LARGE1: variants seen among roughly 807,000 people sequenced by gnomAD.
LARGE1 encodes LARGE xylosyl- and glucuronyltransferase 1.
LARGE1 carries 43 observed loss-of-function variants against 87.6 expected under a neutral mutation model. That is an observed-to-expected ratio of 0.49 (90% confidence interval 0.38 to 0.63). The LOEUF (loss-of-function observed/expected upper bound fraction) is 0.63. Ranked by LOEUF, LARGE1 falls within the 30% of genes least tolerant of loss-of-function variation. The pLI, the probability that LARGE1 is intolerant of heterozygous loss-of-function variation, is 0.00. For missense variants in LARGE1, 802 were observed against 1,000.2 expected (o/e 0.80, Z 2.67); for synonymous variants, 434 against 394.6 (o/e 1.10, Z -1.18).
intron 2 of LARGE1, among the ~76,000 whole-genome samples, chr22:33,671,613 A>G (rs547530333): frequency 1.3e-5 from 2 of 152,328 alleles, no homozygotes; most frequent in East Asian, 3.9e-4. Flanking sequence ...ACATTTGGCT[A>G]TGAAGAGAAA....
intron 11 of LARGE1, among the ~76,000 whole-genome samples, chr22:33,259,270 G>A (rs1054900472): frequency 6.6e-6 from 1 of 151,982 alleles, no homozygotes; most frequent in Admixed American, 6.6e-5. Flanking sequence ...TTAAGGACAA[G>A]TGAGAGAGAA....
chr22:33,418,061 C>T (rs762004376), intron 7 of LARGE1, among the ~76,000 whole-genome samples: 4 of 152,176 alleles, frequency 2.6e-5, no homozygotes, highest in Non-Finnish European at 5.9e-5. Flanking sequence ...AATTCTCCTG[C>T]CTCAGCCTCT....
chr22:33,197,386 T>C (rs746465028), intron 11 of LARGE1, among the ~76,000 whole-genome samples: 37 of 151,962 alleles, frequency 2.4e-4, no homozygotes, highest in Non-Finnish European at 4.9e-4. Flanking sequence ...TGTTTATATA[T>C]AAAATTCAAA....
intron 4 of LARGE1, among the ~76,000 whole-genome samples, chr22:33,611,856 G>A (rs1273099207): frequency 6.6e-6 from 1 of 152,160 alleles, no homozygotes; most frequent in Non-Finnish European, 1.5e-5. Context: ...GCTTGGTGCT[G>A]TCCTCACAAT....
chr22:33,890,558 G>T lies in LARGE1; in HGVS notation c.-83+29437C>A, dbSNP rs193121020. On this transcript the variant is annotated intron_variant, in intron 1 of 14. Coordinates refer to ENST00000397394, the MANE Select transcript of LARGE1 (RefSeq NM_133642.5). The stretch of plus-strand genomic sequence containing the variant: ...AACAGAACTTCACCAAAATCTCACA[G>T]GTACATGCTGGAGTCTGAGTCAAGT... Among the ~76,000 whole-genome samples the T allele has an allele frequency of 5.3e-5, 8 of 152,196 alleles. No individual in the cohort carries two copies. In the East Asian group the frequency reaches 1.4e-3, roughly 26 times the overall value.
At chr22:33,077,645 G>A in the LARGE1 span, among the ~76,000 whole-genome samples, 1 of 152,238 alleles carries the variant, frequency 6.6e-6, no homozygotes, top group Non-Finnish European at 1.5e-5. Context: ...GGGTATTTGT[G>A]CATGCCTTTT....
chr22:33,445,647 CTTT>C (rs201398589), intron 6 of LARGE1, among the ~76,000 whole-genome samples: 5 of 135,868 alleles, frequency 3.7e-5, no homozygotes, highest in Admixed American at 7.5e-5. Context: ...AAGGGGGCCA[CTTT>C]TTTTTTTTTT....
At chr22:33,357,569 C>T (rs1941010024) in intron 9 of LARGE1, among the ~76,000 whole-genome samples, 1 of 151,920 alleles carries the variant, frequency 6.6e-6, no homozygotes, top group Admixed American at 6.6e-5. Flanking sequence ...CTGAGTCAGG[C>T]AGATCACCTG....
chr22:33,189,434 T>C (rs1923660506), intron 11 of LARGE1, among the ~76,000 whole-genome samples: 1 of 152,100 alleles, frequency 6.6e-6, no homozygotes, highest in African/African-American at 2.4e-5. Flanking sequence ...TCTTGGACAT[T>C]CTGCCTTTTT....
At chr22:33,893,977 C>A (rs148201973) in intron 1 of LARGE1, among the ~76,000 whole-genome samples, 14 of 152,270 alleles carry the variant, frequency 9.2e-5, no homozygotes, top group African/African-American at 3.4e-4. Flanking sequence ...ATCGATTCCA[C>A]AGGAAAAGCA....
At chr22:33,553,428 A>T (rs2077586667) in intron 6 of LARGE1, among the ~76,000 whole-genome samples, 1 of 151,228 alleles carries the variant, frequency 6.6e-6, no homozygotes, top group East Asian at 1.9e-4. Flanking sequence ...AGGTGGGAGA[A>T]TCCCTTGAGT....
chr22:33,880,028 T>C lies in LARGE1; in HGVS notation c.-83+39967A>G, dbSNP rs910749738. 2.0e-5 allele frequency among the ~76,000 whole-genome samples: 3 copies of C among 152,228 alleles called. No homozygotes were observed. The South Asian group carries it at 6.2e-4, about 31-fold the overall frequency. On this transcript the variant is annotated intron_variant, in intron 1 of 14. Transcript: ENST00000397394. ...TGGCTTCTCCACCAATCTGCTTGCA[T>C]GGAGAGAGGCCAAGTGCACTGCTTT...
intron 6 of LARGE1, among the ~76,000 whole-genome samples, chr22:33,495,374 A>G (rs935728941): frequency 3.6e-4 from 55 of 152,336 alleles, no homozygotes; most frequent in African/African-American, 1.3e-3. Flanking sequence ...TGCATGCTAT[A>G]TAGTGTAAAA....
intron 11 of LARGE1, among the ~76,000 whole-genome samples, chr22:33,227,849 A>T (rs898876782): frequency 1.3e-5 from 2 of 152,224 alleles, no homozygotes; most frequent in Admixed American, 1.3e-4. Flanking sequence ...GCACATTCCT[A>T]TGCAGCTTAC....
At chr22:33,706,763 C>A (rs1442782839) in intron 2 of LARGE1, among the ~76,000 whole-genome samples, 1 of 152,118 alleles carries the variant, frequency 6.6e-6, no homozygotes, top group Non-Finnish European at 1.5e-5. Flanking sequence ...CACATAAATC[C>A]CTGTGAATTG....
In LARGE1 at chr22:33,858,886, T is replaced by C. The variant is rs1305767660; in HGVS notation, c.-83+61109A>G. Among the ~76,000 whole-genome samples the C allele has an allele frequency of 7.9e-5, 12 of 152,190 alleles. No homozygotes were observed. The East Asian group carries it at 1.5e-3, about 20-fold the overall frequency. On this transcript the variant is annotated intron_variant, in intron 1 of 14. Coordinates refer to ENST00000397394, the MANE Select transcript of LARGE1 (RefSeq NM_133642.5). The stretch of plus-strand genomic sequence containing the variant: ...ATAAAAAAGGATGAGTTCATGTCTT[T>C]TGCAGGGACATGGGTTAAGCTGGAA...
chr22:33,719,354 G>C (rs1354330033), intron 2 of LARGE1, among the ~76,000 whole-genome samples: 1 of 152,100 alleles, frequency 6.6e-6, no homozygotes, highest in Admixed American at 6.5e-5. Flanking sequence ...GCAGTGTTTA[G>C]AAAGTCTACG....
the LARGE1 span, among the ~76,000 whole-genome samples, chr22:33,125,026 G>T: frequency 6.6e-6 from 1 of 152,186 alleles, no homozygotes; most frequent in Non-Finnish European, 1.5e-5. Flanking sequence ...CTAATTAAGA[G>T]GCAGTTCTAC....
At chr22:33,113,500 C>A in the LARGE1 span, among the ~76,000 whole-genome samples, 4 of 152,226 alleles carry the variant, frequency 2.6e-5, no homozygotes, top group Admixed American at 2.6e-4. Flanking sequence ...AGCCACTGCA[C>A]CCAGCCGTCA....
Sources: gnomAD v4.1 joint callset for allele counts (sites outside exome capture counted in the v4.1 genomes callset) on GRCh38, gnomAD v4.1.1 for gene constraint, MANE v1.5 for transcripts, NCBI Gene and HGNC (gene_info 2026-07-23, HGNC 2026-07-21) for gene names.